RBFOX1: variants seen among roughly 807,000 people sequenced by gnomAD.
RBFOX1 encodes RNA binding fox-1 homolog 1.
RBFOX1 carries 8 observed loss-of-function variants against 57.7 expected under a neutral mutation model. That is an observed-to-expected ratio of 0.14 (90% confidence interval 0.08 to 0.25). RBFOX1 has a LOEUF of 0.25. Ranked by LOEUF, RBFOX1 falls within the 10% of genes least tolerant of loss-of-function variation. The pLI is 1.00. For missense variants in RBFOX1, 611 were observed against 548.5 expected, an observed-to-expected ratio of 1.11 and a Z score of -1.14; for synonymous variants, 326 against 222.4, an observed-to-expected ratio of 1.47 and a Z score of -4.15.
chr16:5,425,553 A>T (rs190582686), intron 1 of RBFOX1, among the ~76,000 whole-genome samples: 2 of 152,292 alleles, frequency 1.3e-5, no homozygotes, highest in East Asian at 3.9e-4. Context: ...CATCGTGCAA[A>T]ATCAGCCATG....
chr16:6,632,023 T>A lies in RBFOX1; in HGVS notation c.-63-22580T>A, dbSNP rs76827023. 0.019 allele frequency among the ~76,000 whole-genome samples: 2,936 copies of A among 152,252 alleles called. 207 individuals are homozygous for A. In the East Asian group the frequency reaches 0.21, roughly 11 times the overall value. On this transcript the variant is annotated intron_variant, in intron 2 of 15. Transcript: ENST00000550418. ...GGTTTCAAATAGAGAAATCACACTC[T>A]ATTTGGATAATGTTTGGATAATGTT...
intron 3 of RBFOX1, among the ~76,000 whole-genome samples, chr16:6,894,111 A>C (rs554870621): frequency 6.6e-6 from 1 of 152,196 alleles, no homozygotes; most frequent in South Asian, 2.1e-4. Context: ...AACAGATACA[A>C]ACATACATAG....
intron 3 of RBFOX1, among the ~76,000 whole-genome samples, chr16:6,859,853 T>C (rs1379323244): frequency 6.6e-6 from 1 of 152,214 alleles, no homozygotes; most frequent in African/African-American, 2.4e-5. Context: ...CTTTTGAGTA[T>C]TCAGAGCTTG....
chr16:6,863,942 C>G (rs1439387507), intron 3 of RBFOX1, among the ~76,000 whole-genome samples: 1 of 150,508 alleles, frequency 6.6e-6, no homozygotes. Context: ...CTCCCTCCTT[C>G]TTCCTTCTCT....
intron 3 of RBFOX1, among the ~76,000 whole-genome samples, chr16:7,028,898 T>G (rs1434165120): frequency 2.0e-5 from 3 of 151,132 alleles, no homozygotes; most frequent in Non-Finnish European, 4.4e-5. Context: ...CACTCAGCTA[T>G]GTGTTGCTAG....
At position 6,028,350 on chromosome 16, in the gene RBFOX1, G is replaced by C. The variant is rs573917961; in HGVS notation, c.-127+8358G>C. ...AAAGTGCAGTAGTTTCCTTGAGGGA[G>C]AATAAAGGGCATGGTTGATACCTCT... On this transcript the variant is annotated intron_variant, in intron 1 of 15. Transcript: ENST00000550418. Among the ~76,000 whole-genome samples the C allele has an allele frequency of 7.9e-5, 12 of 152,030 alleles. No individual in the cohort carries two copies. The South Asian group carries it at 2.1e-3, about 26-fold the overall frequency.
chr16:5,587,801 A>C (rs923678558), intron 2 of RBFOX1, among the ~76,000 whole-genome samples: 7 of 152,224 alleles, frequency 4.6e-5, no homozygotes, highest in African/African-American at 1.4e-4. Context: ...ACAGCCAGAG[A>C]GTTCCTCAAA....
intron 14 of RBFOX1, among the ~76,000 whole-genome samples, chr16:7,692,505 C>T (rs780293723): frequency 1.3e-5 from 2 of 152,032 alleles, no homozygotes; most frequent in Admixed American, 6.5e-5. Context: ...AAAATCTAAC[C>T]GATGAAAACC....
chr16:6,912,534 G>A (rs944599561), intron 3 of RBFOX1, among the ~76,000 whole-genome samples: 1 of 152,108 alleles, frequency 6.6e-6, no homozygotes, highest in Non-Finnish European at 1.5e-5. Flanking sequence ...GACCTTCTGA[G>A]ATTTAGGTTT....
intron 4 of RBFOX1, among the ~76,000 whole-genome samples, chr16:7,478,089 G>C (rs189719778): frequency 6.0e-4 from 91 of 152,278 alleles, no homozygotes; most frequent in Admixed American, 5.4e-3. Context: ...CTTGCAACCC[G>C]ATGATTAAGG....
chr16:6,019,647 C>A lies in RBFOX1; in HGVS notation c.-472C>A. Reference sequence around the variant, plus strand: ...CCCCACATCTGGAGGGGACAGCCAGCCGTGGGCCCCGCCCCGGCGTCCGGA... The same window carrying A: ...CCCCACATCTGGAGGGGACAGCCAGACGTGGGCCCCGCCCCGGCGTCCGGA... On this transcript the variant is annotated 5_prime_UTR_variant, in exon 1 of 16. Transcript: ENST00000550418. This position sits in a 1 kb window ranked among gnomAD's most constrained non-coding sequence, Gnocchi z 4.2. The A allele has an allele frequency of 7.7e-7, 1 of 1,298,590 alleles. No homozygotes were observed. Among genetic ancestry groups the A allele is most frequent in the South Asian group, 2.3e-5 (1 of 42,868 alleles). 80.4% of individuals were successfully genotyped at this position (1,298,590 alleles called of 1,614,324 possible).
intron 1 of RBFOX1, among the ~76,000 whole-genome samples, chr16:5,454,655 T>G (rs1597129712): frequency 6.6e-6 from 1 of 152,334 alleles, no homozygotes; most frequent in East Asian, 1.9e-4. Context: ...GGTCTCTATT[T>G]GGTTATCCAC....
At chr16:7,232,613 G>A (rs11864490) in intron 4 of RBFOX1, among the ~76,000 whole-genome samples, 14,331 of 152,060 alleles carry the variant, frequency 0.094, 815 homozygotes, top group Middle Eastern at 0.13. Flanking sequence ...AGGCCGAAGC[G>A]GGTGGATCAC....
intron 3 of RBFOX1, among the ~76,000 whole-genome samples, chr16:6,809,613 A>G (rs1603627545): frequency 6.6e-6 from 1 of 152,150 alleles, no homozygotes; most frequent in Non-Finnish European, 1.5e-5. Flanking sequence ...CAGAATTGCT[A>G]CCCCATCCGA....
chr16:6,196,194 G>C (rs1434022982), intron 1 of RBFOX1, among the ~76,000 whole-genome samples: 1 of 152,164 alleles, frequency 6.6e-6, no homozygotes, highest in Non-Finnish European at 1.5e-5. Context: ...GCCTCAAAGA[G>C]TTAATTCAGC....
intron 5 of RBFOX1, among the ~76,000 whole-genome samples, chr16:7,539,107 C>T (rs2082244540): frequency 6.6e-6 from 1 of 152,098 alleles, no homozygotes; most frequent in Non-Finnish European, 1.5e-5. Context: ...ATCTCAGATT[C>T]AAGGAGAGGG....
intron 1 of RBFOX1, among the ~76,000 whole-genome samples, chr16:5,319,763 A>G (rs1374969595): frequency 6.6e-6 from 1 of 152,198 alleles, no homozygotes; most frequent in Non-Finnish European, 1.5e-5. Context: ...TGTCCACAAG[A>G]CAGTTTATGG....
chr16:6,339,179 A>T (rs2084180361), intron 2 of RBFOX1, among the ~76,000 whole-genome samples: 1 of 152,220 alleles, frequency 6.6e-6, no homozygotes, highest in African/African-American at 2.4e-5. Context: ...GAGGAAGGCC[A>T]AGTTGACAGA....
intron 3 of RBFOX1, among the ~76,000 whole-genome samples, chr16:6,840,491 G>A (rs531076488): frequency 2.0e-5 from 3 of 152,202 alleles, no homozygotes; most frequent in South Asian, 2.1e-4. Flanking sequence ...CTAAATTTGT[G>A]TGTTGAAATT....
Sources: gnomAD v4.1 joint callset for allele counts (sites outside exome capture counted in the v4.1 genomes callset) on GRCh38, gnomAD v4.1.1 for gene constraint, Gnocchi (gnomAD v3.1) non-coding constraint, MANE v1.5 for transcripts, NCBI Gene and HGNC (gene_info 2026-07-23, HGNC 2026-07-21) for gene names.